The following TPRG1 variants were observed in gnomAD, a reference collection of about 807,000 sequenced individuals.
TPRG1 encodes the protein tumor protein p63-regulated gene 1 protein.
A neutral mutation model predicts 29.3 loss-of-function variants in TPRG1; 29 were observed. The ratio of observed to expected loss-of-function variants is 0.99; its 90% CI spans 0.74 to 1.35. TPRG1 has a LOEUF of 1.35. Ranked by LOEUF, TPRG1 falls within the 40% of genes most tolerant of loss-of-function variation. The pLI is 0.00. For synonymous variants in TPRG1, 130 were observed against 116.8 expected, an observed-to-expected ratio of 1.11 and a Z score of -0.73; for missense variants, 327 against 335.0, an observed-to-expected ratio of 0.98 and a Z score of 0.19.
intron 4 of TPRG1, among the ~76,000 whole-genome samples, chr3:189,246,323 C>T (rs1268307801): frequency 6.6e-6 from 1 of 152,098 alleles, no homozygotes; most frequent in African/African-American, 2.4e-5. Flanking sequence ...TTATAAATTA[C>T]CTAGTCTTGG....
At chr3:189,049,806 C>A (rs564402537) in intron 4 of TPRG1, among the ~76,000 whole-genome samples, 17 of 152,290 alleles carry the variant, frequency 1.1e-4, no homozygotes, top group Middle Eastern at 3.4e-3. Context: ...GACCCATAAA[C>A]GGTTCACATC....
intron 3 of TPRG1, among the ~76,000 whole-genome samples, chr3:189,019,718 C>T (rs1363911931): frequency 3.3e-5 from 5 of 151,614 alleles, no homozygotes; most frequent in Non-Finnish European, 1.5e-5. Flanking sequence ...CTCTGCCCAG[C>T]TTTGGTATCA....
chr3:189,201,578 A>G (rs1733494833), intron 1 of TPRG1, among the ~76,000 whole-genome samples: 1 of 152,194 alleles, frequency 6.6e-6, no homozygotes. Context: ...CTGAGAGAAG[A>G]CAAGCATCTT....
upstream of TPRG1, among the ~76,000 whole-genome samples, chr3:189,169,098 C>A (rs571899506): frequency 6.6e-6 from 1 of 152,282 alleles, no homozygotes; most frequent in East Asian, 1.9e-4. Context: ...AAATAAGTAA[C>A]AACATACGTT....
At chr3:189,129,681 CT>C (rs752149156) in intron 2 of TPRG1, among the ~76,000 whole-genome samples, 33 of 152,112 alleles carry the variant, frequency 2.2e-4, no homozygotes, top group Non-Finnish European at 4.4e-4. Context: ...CTGAAACTCT[CT>C]GTTGGAAAGA....
chr3:189,256,677 A>G (rs1340524909), intron 4 of TPRG1, among the ~76,000 whole-genome samples: 3 of 152,110 alleles, frequency 2.0e-5, no homozygotes, highest in Non-Finnish European at 4.4e-5. Context: ...TGCTTTATGA[A>G]TCTGGGTGCT....
intron 4 of TPRG1, among the ~76,000 whole-genome samples, chr3:189,274,948 G>A (rs1345321438): frequency 2.7e-5 from 4 of 148,728 alleles, no homozygotes; most frequent in Non-Finnish European, 5.9e-5. Flanking sequence ...GTGTGTGTGT[G>A]TGTGTGTGTG....
chr3:189,319,518 C>T (rs1724050336), intron 5 of TPRG1, among the ~76,000 whole-genome samples: 1 of 151,918 alleles, frequency 6.6e-6, no homozygotes, highest in South Asian at 2.1e-4. Context: ...CATTCTTTGG[C>T]TTGAACCCCC....
chr3:189,147,329 T>C (rs1160012928), intron 3 of TPRG1, among the ~76,000 whole-genome samples: 3 of 152,148 alleles, frequency 2.0e-5, no homozygotes, highest in Non-Finnish European at 2.9e-5. Flanking sequence ...AGAAAATCCA[T>C]AGGGGTAGGA....
intron 3 of TPRG1, among the ~76,000 whole-genome samples, chr3:189,237,808 G>A (rs1739773423): frequency 3.3e-5 from 5 of 152,120 alleles, no homozygotes. Flanking sequence ...TGTGTGGTGA[G>A]GATTTAGACA....
intron 3 of TPRG1, among the ~76,000 whole-genome samples, chr3:189,229,554 G>A (rs1327135414): frequency 6.6e-6 from 1 of 152,190 alleles, no homozygotes; most frequent in East Asian, 1.9e-4. Flanking sequence ...GAAAATTCAT[G>A]TACAGTCAGG....
At chr3:189,233,907 G>T (rs988290062) in intron 3 of TPRG1, among the ~76,000 whole-genome samples, 2 of 152,134 alleles carry the variant, frequency 1.3e-5, no homozygotes, top group East Asian at 3.9e-4. Context: ...GTCTCATTTT[G>T]TACCCCAGGC....
chr3:189,204,525 T>A (rs1439512918), intron 1 of TPRG1, among the ~76,000 whole-genome samples: 1 of 152,208 alleles, frequency 6.6e-6, no homozygotes, highest in African/African-American at 2.4e-5. Context: ...CCACTATTTA[T>A]GGCAGTGAGA....
At chr3:189,122,371 A>G (rs1214400145) in intron 1 of TPRG1, among the ~76,000 whole-genome samples, 1 of 152,220 alleles carries the variant, frequency 6.6e-6, no homozygotes, top group East Asian at 1.9e-4. Context: ...TTTCTTGTGA[A>G]ATCTGGTTTT....
At chr3:189,068,820 A>G (rs1578280753) in intron 4 of TPRG1, among the ~76,000 whole-genome samples, 1 of 150,642 alleles carries the variant, frequency 6.6e-6, no homozygotes, top group Middle Eastern at 3.4e-3. Context: ...GGGAGGAGGG[A>G]GGAGGGAGGA....
At chr3:189,317,475 C>A (rs933678603) in intron 5 of TPRG1, among the ~76,000 whole-genome samples, 2 of 152,148 alleles carry the variant, frequency 1.3e-5, no homozygotes, top group Non-Finnish European at 1.5e-5. Context: ...CCATTCACAG[C>A]GTGTATACAA....
At chr3:189,002,567 G>T (rs1712084416) in intron 2 of TPRG1, among the ~76,000 whole-genome samples, 1 of 152,090 alleles carries the variant, frequency 6.6e-6, no homozygotes, top group Admixed American at 6.6e-5. Flanking sequence ...TCACAGAGTT[G>T]GAAGAACCTT....
chr3:188,997,841 C>T (rs749753452), intron 1 of TPRG1, among the ~76,000 whole-genome samples: 18 of 152,170 alleles, frequency 1.2e-4, no homozygotes, highest in Admixed American at 3.9e-4. Context: ...CTCCTCTGTA[C>T]TTCCTCCCCT....
At chr3:189,156,757 G>A (rs1726745589) in intron 5 of TPRG1, among the ~76,000 whole-genome samples, 1 of 152,130 alleles carries the variant, frequency 6.6e-6, no homozygotes, top group Non-Finnish European at 1.5e-5. Context: ...GTTGTTCTTT[G>A]ATGGTAGCAG....
Sources: allele counts gnomAD v4.1 joint callset (sites outside exome capture counted in the v4.1 genomes callset), GRCh38; gene constraint gnomAD v4.1.1; transcripts MANE v1.5; gene names NCBI Gene and HGNC (gene_info 2026-07-23, HGNC 2026-07-21).